The following SFXN4 variants were observed in gnomAD, a reference collection of about 807,000 sequenced individuals.
SFXN4 encodes the protein sideroflexin-4.
In SFXN4, 48 loss-of-function variants were observed where a neutral mutation model predicts 54.6. That is an observed-to-expected ratio of 0.88 (90% CI 0.70 to 1.12). The LOEUF is 1.12. Among genes scored for constraint, SFXN4 ranks in the 50% most tolerant of loss-of-function variants. The pLI, the probability that SFXN4 is intolerant of heterozygous loss-of-function variation, is 0.00. For missense variants in SFXN4, 383 were observed against 409.2 expected (o/e 0.94, Z 0.55); for synonymous variants, 130 against 145.5 (o/e 0.89, Z 0.77).
rs1846497977 is a variant in SFXN4 at position 119,141,019 on chromosome 10, CA to C, written c.*222del. 1 of 456,954 alleles carries C rather than the reference CA, an allele frequency of 2.2e-6. No homozygotes were observed. Among genetic ancestry groups the C allele is most frequent in the Non-Finnish European group, 3.9e-6 (1 of 255,344 alleles). The allele number at this position is 456,954 out of a possible 1,614,324, so 28.3% of individuals were successfully genotyped here. A position where few individuals can be genotyped will look rare whatever the true frequency, so the allele number is the denominator to read the frequency against. On this transcript the variant is annotated 3_prime_UTR_variant, in exon 14 of 14. Transcript: ENST00000355697. ...ACTCCAACCGTTCCCTCAGCAACCC[CA>C]GGGGTGTCAGACGGGGCACCCTCCC...
At chr10:119,157,485 TATGCTTAGA>T (rs1226768983) in intron 9 of SFXN4, among the ~76,000 whole-genome samples, 174 bp downstream of exon 9, 2 of 151,620 alleles carry the variant, frequency 1.3e-5, no homozygotes, top group East Asian at 3.9e-4. Flanking sequence ...GTACCATGTA[TATGCTTAGA>T]AACTTAAACT....
chr10:119,151,806 C>T (rs993287571), intron 11 of SFXN4, among the ~76,000 whole-genome samples: 7 of 151,608 alleles, frequency 4.6e-5, no homozygotes, highest in Non-Finnish European at 7.4e-5. Context: ...CGTGAGCCAC[C>T]GCGCCTGGCC....
At chr10:119,158,275 C>T (rs763251989) in intron 6 of SFXN4, 5 of 585,138 alleles carry the variant, frequency 8.5e-6, no homozygotes, top group Admixed American at 2.9e-5. Context: ...CATCCAGGGT[C>T]GAACAGCAGG....
At chr10:119,158,765 T>C (rs1294760583) in intron 6 of SFXN4, among the ~76,000 whole-genome samples, 1 of 151,252 alleles carries the variant, frequency 6.6e-6, no homozygotes, top group East Asian at 1.9e-4. Flanking sequence ...GGAGGATCCC[T>C]TGAGGCCAGG....
intron 2 of SFXN4, among the ~76,000 whole-genome samples, 185 bp from the exon 3 acceptor site, chr10:119,162,599 GC>G (rs1847598740): frequency 6.6e-6 from 1 of 152,014 alleles, no homozygotes; most frequent in African/African-American, 2.4e-5. Flanking sequence ...TCAGATTTAT[GC>G]CTTCCTCTTC....
chr10:119,164,303 T>A, intron 1 of SFXN4, 107 bp from the exon 2 acceptor site: 1 of 645,396 alleles, frequency 1.5e-6, no homozygotes, highest in Non-Finnish European at 2.7e-6. Context: ...TGCCAGGGTC[T>A]GTGATCTGCC....
intron 13 of SFXN4, among the ~76,000 whole-genome samples, chr10:119,143,591 C>T (rs576656171): frequency 6.6e-6 from 1 of 152,248 alleles, no homozygotes; most frequent in Non-Finnish European, 1.5e-5. Flanking sequence ...GATCCTCCCA[C>T]CTCGGCCTCC....
Position 119,156,687 on chromosome 10 carries a change from T to A in SFXN4, c.607A>T (p.Ile203Phe). ...GPWIKRLLPV[I>F]FLVQASGMNV... The stretch of plus-strand genomic sequence containing the variant: ...AGCCCTTCCTGCTCACCGAGGAAGA[T>A]CACAGGTAAGAGTCTTTTAATCCAA... Residue 203 changes from isoleucine (I) to phenylalanine (F), a missense_variant, in exon 10 of 14, where the codon ATC (isoleucine) becomes TTC (phenylalanine). By Grantham distance (21) the Ile-to-Phe change is conservative. Transcript: ENST00000355697. The A allele has an allele frequency of 6.2e-7, 1 of 1,609,918 alleles. No homozygotes were observed. The highest frequency in any genetic ancestry group is 8.5e-7 in the Non-Finnish European group (1 of 1,177,818).
At chr10:119,150,977 C>T (rs182375637) in intron 11 of SFXN4, among the ~76,000 whole-genome samples, 100 of 152,202 alleles carry the variant, frequency 6.6e-4, no homozygotes, top group African/African-American at 2.2e-3. Flanking sequence ...TGGTACAAGA[C>T]GGATGAATCT....
At chr10:119,141,424 T>C in intron 13 of SFXN4, 105 bp from the exon 14 acceptor site, 1 of 620,602 alleles carries the variant, frequency 1.6e-6, no homozygotes, top group South Asian at 2.2e-5. Flanking sequence ...ACAGTCCATC[T>C]TTTTCAATAA....
At chr10:119,149,390 T>A (rs1476539573) in intron 11 of SFXN4, among the ~76,000 whole-genome samples, 1 of 152,126 alleles carries the variant, frequency 6.6e-6, no homozygotes, top group East Asian at 1.9e-4. Flanking sequence ...CTTGCATGGT[T>A]CCCTCTGCAG....
intron 13 of SFXN4, among the ~76,000 whole-genome samples, 188 bp from the exon 14 acceptor site, chr10:119,141,507 C>CTTTTTTTT (rs1234472904): frequency 8.8e-6 from 1 of 113,356 alleles, no homozygotes; most frequent in African/African-American, 3.6e-5. Flanking sequence ...ACTTCTTAAA[C>CTTTTTTTT]TTTTTTTTTT....
chr10:119,150,876 C>T (rs1385396527), intron 11 of SFXN4, among the ~76,000 whole-genome samples: 1 of 152,144 alleles, frequency 6.6e-6, no homozygotes, highest in African/African-American at 2.4e-5. Context: ...ACAACCCAAA[C>T]GTCCACCGCC....
chr10:119,158,747 C>T (rs556114716), intron 6 of SFXN4, among the ~76,000 whole-genome samples: 1 of 152,148 alleles, frequency 6.6e-6, no homozygotes, highest in East Asian at 1.9e-4. Flanking sequence ...CTCTGGTAGG[C>T]CAAACTGGGA....
intron 6 of SFXN4, 35 bp downstream of exon 6, chr10:119,159,693 C>G (rs766880115): frequency 3.1e-6 from 5 of 1,612,054 alleles, no homozygotes; most frequent in Middle Eastern, 3.3e-4. Flanking sequence ...TTCCCAAGCC[C>G]CTAGTCTCCT....
chr10:119,158,186 G>C (rs1157424320), intron 6 of SFXN4, 124 bp from the exon 7 acceptor site: 1 of 890,558 alleles, frequency 1.1e-6, no homozygotes, highest in Non-Finnish European at 1.9e-6. Flanking sequence ...GGAGAGGATG[G>C]TGGTGGGTAC....
intron 12 of SFXN4, 63 bp from the exon 13 acceptor site, chr10:119,146,416 G>C: frequency 1.0e-6 from 1 of 966,826 alleles, no homozygotes; most frequent in Non-Finnish European, 1.6e-6. Context: ...TTTCTGAACA[G>C]CTGAATCAGG....
At position 119,155,209 on chromosome 10, in the gene SFXN4, G is replaced by A. The variant is rs201562466; in HGVS notation, c.617-32C>T. 7.2e-4 allele frequency: 1,039 copies of A among 1,451,662 alleles called. 9 individuals are homozygous for A. The highest frequency in any genetic ancestry group is 1.1e-4 in the Non-Finnish European group (110 of 1,032,572). The allele number at this position is 1,451,662 out of a possible 1,614,324, so 89.9% of individuals were successfully genotyped here. On this transcript the variant is annotated intron_variant, in intron 10 of 13. Coordinates refer to ENST00000355697, the MANE Select transcript of SFXN4 (RefSeq NM_213649.2). ...ATGTAAAGAAGTAAAGAACACCCAA[G>A]ACGGGGGTGAGTCTTGTTCCAGCAA... is the stretch of plus-strand genomic sequence containing the variant.
In SFXN4 at chr10:119,165,579, G is replaced by A. The variant is rs1252849688; in HGVS notation, c.69C>T (p.Ala23=). The A allele has an allele frequency of 3.8e-6, 6 of 1,593,878 alleles. No individual in the cohort carries two copies. The highest frequency in any genetic ancestry group is 5.1e-6 in the Non-Finnish European group (6 of 1,171,884). ...AGAAGCGCACGTTGGGCTCAATGAA[G>A]GCGGGGACGGCGTCTCTGCGTCCTA... ...RLLGRRDAVP[A]FIEPNVRFWI... The change falls in exon 1 of 14, where the codon GCC becomes GCT. Residue 23 remains alanine, a synonymous_variant. Coordinates refer to ENST00000355697, the MANE Select transcript of SFXN4 (RefSeq NM_213649.2).
Sources: allele counts gnomAD v4.1 joint callset (sites outside exome capture counted in the v4.1 genomes callset), GRCh38; gene constraint gnomAD v4.1.1; transcripts MANE v1.5; gene names NCBI Gene and HGNC (gene_info 2026-07-23, HGNC 2026-07-21).